MYH11: variants seen among roughly 807,000 people sequenced by gnomAD.
The protein encoded by MYH11 is myosin-11.
MYH11 carries 80 observed loss-of-function variants against 246.6 expected under a neutral mutation model. The ratio of observed to expected loss-of-function variants is 0.32; its 90% CI spans 0.27 to 0.39. The LOEUF is 0.39. Among genes scored for constraint, MYH11 ranks in the 10% least tolerant of loss-of-function variants. MYH11 has a pLI of 1.00. For missense variants in MYH11, 2,158 were observed against 2,546.8 expected (o/e 0.85, Z 3.29); for synonymous variants, 1,071 against 1,015.5 (o/e 1.05, Z -1.04).
intron 2 of MYH11, among the ~76,000 whole-genome samples, chr16:15,837,513 G>A (rs12923604): frequency 3.4e-5 from 5 of 149,138 alleles, no homozygotes; most frequent in African/African-American, 1.2e-4. Context: ...AATCTCCCTC[G>A]ATCAAACCTT....
At position 15,737,272 on chromosome 16, in the gene MYH11, G is replaced by T. The variant is rs188211821; in HGVS notation, c.3293+177C>A. Among the ~76,000 whole-genome samples the T allele has an allele frequency of 2.6e-5, 4 of 152,200 alleles. No homozygotes were observed. In the South Asian group the frequency reaches 8.3e-4, roughly 31 times the overall value. On this transcript the variant is annotated intron_variant, in intron 25 of 40. Coordinates refer to ENST00000300036, the MANE Select transcript of MYH11 (RefSeq NM_002474.3). ...GGGAAGAGAAGAAAGTCGAAGGTGA[G>T]GATCTGGGGGAGTGAACAGGGTCGA...
At chr16:15,705,362 CTCT>C (rs1417764351) in intron 40 of MYH11, among the ~76,000 whole-genome samples, 1 of 152,176 alleles carries the variant, frequency 6.6e-6, no homozygotes, top group Non-Finnish European at 1.5e-5. Context: ...CGCTGGTTCT[CTCT>C]TGAGTTTATC....
At chr16:15,780,908 C>T (rs1025959740) in intron 6 of MYH11, among the ~76,000 whole-genome samples, 4 of 152,212 alleles carry the variant, frequency 2.6e-5, no homozygotes, top group African/African-American at 9.6e-5. Context: ...CACTGAGAGT[C>T]AGTTGCCATT....
chr16:15,740,166 T>C lies in MYH11; in HGVS notation c.2882A>G (p.Glu961Gly). The C allele has an allele frequency of 1.9e-6, 3 of 1,614,200 alleles. No homozygotes were observed. Among genetic ancestry groups the C allele is most frequent in the Non-Finnish European group, 2.5e-6 (3 of 1,180,036 alleles). ...CAGCTTCTGCCTGGCAGCTTCCTCC[T>C]CCTCCAGCTGTTCTTCAAGGTCCTT... ...QMLDLEEQLE[E>G]EEAARQKLQL... Residue 961 changes from glutamate (E) to glycine (G), a missense_variant, in exon 23 of 41, where the codon GAG becomes GGG. Coordinates refer to ENST00000300036, the MANE Select transcript of MYH11 (RefSeq NM_002474.3).
At chr16:15,775,511 T>G (rs2042202322) in intron 8 of MYH11, among the ~76,000 whole-genome samples, 1 of 152,216 alleles carries the variant, frequency 6.6e-6, no homozygotes, top group Non-Finnish European at 1.5e-5. Context: ...TGCCTGTGGC[T>G]GCTCTTGTAT....
chr16:15,705,630 A>G (rs2039407268), intron 40 of MYH11, among the ~76,000 whole-genome samples: 1 of 152,128 alleles, frequency 6.6e-6, no homozygotes, highest in South Asian at 2.1e-4. Flanking sequence ...TCCCCACGCA[A>G]GGGTTGGATA....
chr16:15,757,805 C>A, intron 13 of MYH11, 22 bp downstream of exon 13: 1 of 1,614,106 alleles, frequency 6.2e-7, no homozygotes, highest in Non-Finnish European at 8.5e-7. Flanking sequence ...GACGGAGCCC[C>A]GCACGCCCAC....
intron 3 of MYH11, among the ~76,000 whole-genome samples, chr16:15,806,694 C>A (rs933327265): frequency 2.6e-5 from 4 of 152,156 alleles, no homozygotes; most frequent in African/African-American, 9.7e-5. Flanking sequence ...CCACTTCATG[C>A]AGCTCTATTA....
chr16:15,718,213 G>A, intron 37 of MYH11, 102 bp downstream of exon 37: 1 of 1,576,820 alleles, frequency 6.3e-7, no homozygotes, highest in Non-Finnish European at 8.6e-7. Context: ...CTCAATCCAG[G>A]GCCTGCACAC....
intron 3 of MYH11, among the ~76,000 whole-genome samples, chr16:15,819,778 T>C (rs999804557): frequency 6.6e-6 from 1 of 152,168 alleles, no homozygotes; most frequent in Non-Finnish European, 1.5e-5. Flanking sequence ...ATGGAAAAAC[T>C]GACTTCTATG....
chr16:15,759,957 C>G lies in MYH11; in HGVS notation c.1249-229G>C, dbSNP rs1053092400. Among the ~76,000 whole-genome samples the G allele has an allele frequency of 2.6e-5, 4 of 152,174 alleles. No individual in the cohort carries two copies. In the East Asian group the frequency reaches 7.7e-4, roughly 29 times the overall value. On this transcript the variant is annotated intron_variant, in intron 11 of 40. Coordinates refer to ENST00000300036, the MANE Select transcript of MYH11 (RefSeq NM_002474.3). Reference sequence around the variant, plus strand: ...ACTAAAAATACAAAAATTAGCCAGGCGTTGTGGTGCATGCCTGTAGTCCCA... The same window carrying G: ...ACTAAAAATACAAAAATTAGCCAGGGGTTGTGGTGCATGCCTGTAGTCCCA...
chr16:15,717,058 G>T, intron 38 of MYH11, 82 bp downstream of exon 38: 2 of 1,433,546 alleles, frequency 1.4e-6, no homozygotes, highest in Non-Finnish European at 9.8e-7. Flanking sequence ...ACTGATGCTG[G>T]AAGAGGTTCC....
chr16:15,740,610 CAAAAAAA>C (rs576634565), intron 22 of MYH11, among the ~76,000 whole-genome samples: 1 of 110,508 alleles, frequency 9.0e-6, no homozygotes, highest in African/African-American at 3.4e-5. Flanking sequence ...GACTCTGTCT[CAAAAAAA>C]AAAAAAAAAT....
chr16:15,725,572 G>C (rs2040712946), intron 28 of MYH11: 2 of 406,560 alleles, frequency 4.9e-6, no homozygotes, highest in Admixed American at 8.1e-5. Context: ...GAGGCTGTTA[G>C]CCTACCCCTC....
In MYH11 at chr16:15,809,254, G is replaced by A. The variant is rs569032817; in HGVS notation, c.503-10567C>T. Among the ~76,000 whole-genome samples the A allele has an allele frequency of 1.7e-4, 26 of 152,268 alleles. 1 individual carries two copies. The South Asian group carries it at 3.7e-3, about 22-fold the overall frequency. On this transcript the variant is annotated intron_variant, in intron 3 of 40. Transcript: ENST00000300036. The stretch of plus-strand genomic sequence containing the variant: ...AATAATCAATATTGTTAGAATGACC[G>A]GGCGTGGTGGATCACATCTGTAATT...
Position 15,745,134 on chromosome 16 carries a change from T to C in MYH11, c.2515A>G (p.Thr839Ala), listed in dbSNP as rs1468754202. 1.2e-6 allele frequency: 2 copies of C among 1,613,762 alleles called. No individual in the cohort carries two copies. Among genetic ancestry groups the C allele is most frequent in the Non-Finnish European group, 1.7e-6 (2 of 1,179,816 alleles). The change falls in exon 20 of 41, where the codon ACC becomes GCC. Residue 839 changes from threonine (T) to alanine (A), a missense_variant. Around this residue, in one of 11 missense-constraint regions of MYH11, gnomAD observed 90 missense variants for 144.2 expected, o/e 0.62. Coordinates refer to ENST00000300036, the MANE Select transcript of MYH11 (RefSeq NM_002474.3). ...GGCTGGGGCAGAGCACTCACTTTGG[T>C]GAAAAGCCTCCACCACTGCCAGTTC... is the stretch of plus-strand genomic sequence containing the variant. ...LRNWQWWRLFTKVKPLLQVTR... is the reference protein window; with the variant it reads ...LRNWQWWRLFAKVKPLLQVTR...
intron 5 of MYH11, among the ~76,000 whole-genome samples, chr16:15,783,811 T>C (rs1036694400): frequency 3.9e-5 from 6 of 152,102 alleles, no homozygotes; most frequent in Non-Finnish European, 8.8e-5. Flanking sequence ...TTATAGATGA[T>C]GAAACCATAG....
chr16:15,736,546 T>G (rs547690870), intron 25 of MYH11, among the ~76,000 whole-genome samples: 1 of 152,190 alleles, frequency 6.6e-6, no homozygotes, highest in Non-Finnish European at 1.5e-5. Context: ...CCCAAAGTGC[T>G]GAGATTACAG....
At chr16:15,754,192 G>C (rs533513732) in intron 14 of MYH11, among the ~76,000 whole-genome samples, 7 of 152,238 alleles carry the variant, frequency 4.6e-5, no homozygotes, top group African/African-American at 1.7e-4. Context: ...ACTCCAGCCT[G>C]GGTGACAGAG....
Sources: gnomAD v4.1 joint callset for allele counts (sites outside exome capture counted in the v4.1 genomes callset) on GRCh38, gnomAD v4.1.1 for gene constraint, gnomAD v4.1.1 regional missense constraint, MANE v1.5 for transcripts, NCBI Gene and HGNC (gene_info 2026-07-23, HGNC 2026-07-21) for gene names.